The following OR1N1 variants were observed in gnomAD, a reference collection of about 807,000 sequenced individuals.
OR1N1 encodes olfactory receptor family 1 subfamily N member 1.
For missense variants in OR1N1, 388 were observed against 391.9 expected, an observed-to-expected ratio of 0.99 and a Z score of 0.08; for synonymous variants, 130 against 151.2, an observed-to-expected ratio of 0.86 and a Z score of 1.03.
In OR1N1 at chr9:122,526,723, G is replaced by A. The variant is rs1379918702; in HGVS notation, c.571C>T (p.His191Tyr). 5.6e-6 allele frequency: 9 copies of A among 1,613,920 alleles called. No homozygotes were observed. Among genetic ancestry groups the A allele is most frequent in the Middle Eastern group, 1.6e-4 (1 of 6,084 alleles). The change falls in exon 1 of 1, where the codon CAC (histidine) becomes TAC (tyrosine). Residue 191 changes from histidine (H) to tyrosine (Y), a missense_variant. Physicochemically the swap from His to Tyr is moderately conservative, Grantham distance 83. Transcript: ENST00000304880. The part of the protein sequence containing the change: ...PVLKLSCSDT[H>Y]INEMMVFVLG... ...ACAAAAACCATCATCTCGTTGATGT[G>A]GGTGTCAGAACATGACAGCTTCAGG... is the stretch of plus-strand genomic sequence containing the variant.
In OR1N1 at chr9:122,526,712, C is replaced by T. The variant is rs528321757; in HGVS notation, c.582G>A (p.Glu194=). 9.9e-6 allele frequency: 16 copies of T among 1,614,158 alleles called. No homozygotes were observed. The South Asian group carries it at 1.3e-4, about 13-fold the overall frequency. ...TGCCTCCCAAGACAAAAACCATCAT[C>T]TCGTTGATGTGGGTGTCAGAACATG... The part of the protein sequence containing the change: ...KLSCSDTHIN[E]MMVFVLGGTV... Residue 194 remains glutamate (E), a synonymous_variant, in exon 1 of 1, where the codon GAG becomes GAA. Transcript: ENST00000304880.
chr9:122,526,509 G>C lies in OR1N1; in HGVS notation c.785C>G (p.Ser262Cys), dbSNP rs762756152. The C allele has an allele frequency of 6.3e-6, 10 of 1,592,768 alleles. No homozygotes were observed. The Admixed American group carries it at 1.7e-4, about 27-fold the overall frequency. Residue 262 changes from serine to cysteine, a missense_variant, in exon 1 of 1, where the codon TCC becomes TGC. Coordinates refer to ENST00000304880, the MANE Select transcript of OR1N1 (RefSeq NM_012363.1). ...AATGTCCTTCTCTTCAGAGGCAATG[G>C]AGGGAGGACACAGGTAGGCACTGAA... ...TLFSAYLCPP[S>C]IASEEKDIAA... is the part of the protein sequence containing the mutation.
chr9:122,526,595 G>T lies in OR1N1; in HGVS notation c.699C>A (p.Gly233=). Residue 233 remains glycine (G), a synonymous_variant, in exon 1 of 1, where the codon GGC becomes GGA. Coordinates refer to ENST00000304880, the MANE Select transcript of OR1N1 (RefSeq NM_012363.1). The part of the protein sequence containing the change: ...ILRVRTRGGV[G]KAFSTCSSHL... ...GGGAACTGCAGGTGGAAAAGGCCTTGCCCACCCCACCACGGGTTCGGACCC... is the reference window on the plus strand; with the variant it reads ...GGGAACTGCAGGTGGAAAAGGCCTTTCCCACCCCACCACGGGTTCGGACCC... 2 of 1,614,116 alleles carry T rather than the reference G, an allele frequency of 1.2e-6. No individual in the cohort carries two copies. The highest frequency in any genetic ancestry group is 2.2e-5 in the East Asian group (1 of 44,876).
In OR1N1 at chr9:122,526,394, C is replaced by A. The variant is rs1828833370; in HGVS notation, c.900G>T (p.Lys300Asn). ...LRNKDMKGAL[K>N]RLFSHRSIVS... ...CAATACTCCTGTGACTGAAGAGCCT[C>A]TTTAGGGCCCCCTTCATGTCCTTGT... is the stretch of plus-strand genomic sequence containing the variant. Residue 300 changes from lysine to asparagine, a missense_variant, in exon 1 of 1, where the codon AAG (lysine) becomes AAT (asparagine). Lys to Asn is a moderately conservative substitution (Grantham distance 94). Transcript: ENST00000304880. The A allele has an allele frequency of 6.6e-7, 1 of 1,510,016 alleles. No homozygotes were observed. 93.5% of individuals were successfully genotyped at this position (1,510,016 alleles called of 1,614,324 possible).
chr9:122,527,067 A>G lies in OR1N1; in HGVS notation c.227T>C (p.Val76Ala). ...CTGTATATTCACCAGCATCTTGGTAACTGTGGAGGACGTTAAACCCATGTC... is the reference window on the plus strand; with the variant it reads ...CTGTATATTCACCAGCATCTTGGTAGCTGTGGAGGACGTTAAACCCATGTC... ...FVDMGLTSST[V>A]TKMLVNIQTR... Residue 76 changes from valine (V) to alanine (A), a missense_variant, in exon 1 of 1, where the codon GTT becomes GCT. Physicochemically the swap from Val to Ala is moderately conservative, Grantham distance 64 (BLOSUM62 0). Transcript: ENST00000304880. The G allele has an allele frequency of 6.2e-7, 1 of 1,614,246 alleles. No individual in the cohort carries two copies. The highest frequency in any genetic ancestry group is 2.2e-5 in the East Asian group (1 of 44,890).
In OR1N1 at chr9:122,526,658, A is replaced by G. The variant is rs371267649; in HGVS notation, c.636T>C (p.Ile212=). Residue 212 remains isoleucine, a synonymous_variant, in exon 1 of 1, where the codon ATT becomes ATC. Transcript: ENST00000304880. ...GCACAATGTGGATGTAGGAGGTGAC[A>G]ATGCATAAAAAGGGGACGATGAGTA... ...GTVLIVPFLC[I]VTSYIHIVPA... 6.2e-7 allele frequency: 1 copy of G among 1,614,144 alleles called. No individual in the cohort carries two copies. Among genetic ancestry groups the G allele is most frequent in the Non-Finnish European group, 8.5e-7 (1 of 1,180,002 alleles).
chr9:122,526,745 C>T lies in OR1N1; in HGVS notation c.549G>A (p.Leu183=). The T allele has an allele frequency of 6.2e-7, 1 of 1,614,094 alleles. No homozygotes were observed. The highest frequency in any genetic ancestry group is 8.5e-7 in the Non-Finnish European group (1 of 1,180,012). The change falls in exon 1 of 1, where the codon CTG becomes CTA. Residue 183 remains leucine, a synonymous_variant. Coordinates refer to ENST00000304880, the MANE Select transcript of OR1N1 (RefSeq NM_012363.1). ...TGTGGGTGTCAGAACATGACAGCTT[C>T]AGGACAGGAGTGATGTCACAGAAAA... The part of the protein sequence containing the change: ...AHFFCDITPV[L]KLSCSDTHIN...
In OR1N1 at chr9:122,527,134, G is replaced by A; in HGVS notation, c.160C>T (p.His54Tyr). Reference sequence around the variant, plus strand: ...GCCAAGAAAAAGTACATGGGGGTGTGGAGGTGCAGGTCAGAGCCAATGGCC... The same window carrying A: ...GCCAAGAAAAAGTACATGGGGGTGTAGAGGTGCAGGTCAGAGCCAATGGCC... ...ILAIGSDLHL[H>Y]TPMYFFLANL... The change falls in exon 1 of 1, where the codon CAC becomes TAC. Residue 54 changes from histidine to tyrosine, a missense_variant. His to Tyr is a moderately conservative substitution (Grantham distance 83). Transcript: ENST00000304880. 6.2e-7 allele frequency: 1 copy of A among 1,614,244 alleles called. No homozygotes were observed. Among genetic ancestry groups the A allele is most frequent in the Non-Finnish European group, 8.5e-7 (1 of 1,180,040 alleles).
At position 122,526,905 on chromosome 9, in the gene OR1N1, T is replaced by C. The variant is rs764415847; in HGVS notation, c.389A>G (p.Tyr130Cys). Residue 130 changes from tyrosine to cysteine, a missense_variant, in exon 1 of 1, where the codon TAC becomes TGC. Physicochemically the swap from Tyr to Cys is radical, Grantham distance 194. Coordinates refer to ENST00000304880, the MANE Select transcript of OR1N1 (RefSeq NM_012363.1). Reference protein sequence around the residue: ...RYVAICHPLCYSTVMRPQVCA... With the variant: ...RYVAICHPLCCSTVMRPQVCA... The stretch of plus-strand genomic sequence containing the variant: ...GACTTGGGGCCTCATGACTGTGGAG[T>C]AGCAGAGGGGGTGGCAAATGGCCAC... The C allele has an allele frequency of 6.2e-7, 1 of 1,613,868 alleles. No homozygotes were observed. The highest frequency in any genetic ancestry group is 1.7e-5 in the Admixed American group (1 of 59,996).
chr9:122,527,106 T>C lies in OR1N1; in HGVS notation c.188A>G (p.Asn63Ser). 1 of 1,614,084 alleles carries C rather than the reference T, an allele frequency of 6.2e-7. No individual in the cohort carries two copies. The highest frequency in any genetic ancestry group is 8.5e-7 in the Non-Finnish European group (1 of 1,180,014). The change falls in exon 1 of 1, where the codon AAC becomes AGC. Residue 63 changes from asparagine (N) to serine (S), a missense_variant. Coordinates refer to ENST00000304880, the MANE Select transcript of OR1N1 (RefSeq NM_012363.1). ...LHTPMYFFLANLSFVDMGLTS... is the reference protein window; with the variant it reads ...LHTPMYFFLASLSFVDMGLTS... ...TAAACCCATGTCAACAAAAGACAGGTTGGCCAAGAAAAAGTACATGGGGGT... is the reference window on the plus strand; with the variant it reads ...TAAACCCATGTCAACAAAAGACAGGCTGGCCAAGAAAAAGTACATGGGGGT...
chr9:122,526,599 A>T lies in OR1N1; in HGVS notation c.695T>A (p.Val232Glu), dbSNP rs748172174. ...ACTGCAGGTGGAAAAGGCCTTGCCCACCCCACCACGGGTTCGGACCCTCAG... is the reference window on the plus strand; with the variant it reads ...ACTGCAGGTGGAAAAGGCCTTGCCCTCCCCACCACGGGTTCGGACCCTCAG... ...AILRVRTRGG[V>E]GKAFSTCSSH... The change falls in exon 1 of 1, where the codon GTG becomes GAG. Residue 232 changes from valine (V) to glutamate (E), a missense_variant. Val to Glu is a moderately radical substitution (Grantham distance 121). Transcript: ENST00000304880. 15 of 1,613,978 alleles carry T rather than the reference A, an allele frequency of 9.3e-6. No individual in the cohort carries two copies. The highest frequency in any genetic ancestry group is 1.3e-5 in the Non-Finnish European group (15 of 1,180,016).
rs529426834 is a variant in OR1N1 at position 122,527,275 on chromosome 9, T to C, written c.19A>G (p.Ile7Val). Residue 7 changes from isoleucine (I) to valine (V), a missense_variant, in exon 1 of 1, where the codon ATT becomes GTT. Physicochemically the swap from Ile to Val is conservative, Grantham distance 29. Coordinates refer to ENST00000304880, the MANE Select transcript of OR1N1 (RefSeq NM_012363.1). Reference sequence around the variant, plus strand: ...ATTCCTCGGAGGAAAAATTCAGAAATGCTGGATTGGTTTTCCATGACTCTG... The same window carrying C: ...ATTCCTCGGAGGAAAAATTCAGAAACGCTGGATTGGTTTTCCATGACTCTG... MENQSS[I>V]SEFFLRGISA... 1.7e-5 allele frequency: 28 copies of C among 1,608,990 alleles called. No individual in the cohort carries two copies. The highest frequency in any genetic ancestry group is 2.1e-5 in the Non-Finnish European group (25 of 1,176,736).
chr9:122,527,026 T>C lies in OR1N1; in HGVS notation c.268A>G (p.Ile90Val). Residue 90 changes from isoleucine to valine, a missense_variant, in exon 1 of 1, where the codon ATC becomes GTC. Coordinates refer to ENST00000304880, the MANE Select transcript of OR1N1 (RefSeq NM_012363.1). ...TGCGTGAGGCAACCCGTATAGGAGA[T>C]GGTGTGATGCCGAGTCTGTATATTC... ...LVNIQTRHHTISYTGCLTQMY... is the reference protein window; with the variant it reads ...LVNIQTRHHTVSYTGCLTQMY... 2.5e-6 allele frequency: 4 copies of C among 1,614,146 alleles called. No homozygotes were observed. Among genetic ancestry groups the C allele is most frequent in the Non-Finnish European group, 3.4e-6 (4 of 1,180,006 alleles).
Position 122,526,785 on chromosome 9 carries a change from C to T in OR1N1, c.509G>A (p.Gly170Glu). 1 of 1,614,042 alleles carries T rather than the reference C, an allele frequency of 6.2e-7. No homozygotes were observed. The highest frequency in any genetic ancestry group is 1.3e-5 in the African/African-American group (1 of 75,006). Residue 170 changes from glycine (G) to glutamate (E), a missense_variant, in exon 1 of 1, where the codon GGG (glycine) becomes GAG (glutamate). Coordinates refer to ENST00000304880, the MANE Select transcript of OR1N1 (RefSeq NM_012363.1). ...GTCACAGAAAAAGTGAGCAATTTCC[C>T]CAGTCACACAGAAGGACAACCGAGC... ...LMARLSFCVT[G>E]EIAHFFCDIT...
rs754289124 is a variant in OR1N1, at chr9:122,526,655, G to A, written c.639C>T (p.Val213=). ...CTGGCACAATGTGGATGTAGGAGGT[G>A]ACAATGCATAAAAAGGGGACGATGA... ...TVLIVPFLCI[V]TSYIHIVPAI... is the part of the protein sequence containing the mutation. The change falls in exon 1 of 1, where the codon GTC becomes GTT. Residue 213 remains valine, a synonymous_variant. Transcript: ENST00000304880. 1.2e-6 allele frequency: 2 copies of A among 1,614,146 alleles called. No individual in the cohort carries two copies. Among genetic ancestry groups the A allele is most frequent in the Non-Finnish European group, 1.7e-6 (2 of 1,180,020 alleles).
chr9:122,526,561 C>T lies in OR1N1; in HGVS notation c.733G>A (p.Val245Ile), dbSNP rs151154516. ...AGGGTCCCATAGAACACACAAACAACGCAGAGGTGGGAACTGCAGGTGGAA... is the reference window on the plus strand; with the variant it reads ...AGGGTCCCATAGAACACACAAACAATGCAGAGGTGGGAACTGCAGGTGGAA... The part of the protein sequence containing the change: ...AFSTCSSHLC[V>I]VCVFYGTLFS... The change falls in exon 1 of 1, where the codon GTT (valine) becomes ATT (isoleucine). Residue 245 changes from valine (V) to isoleucine (I), a missense_variant. Val to Ile is a conservative substitution (Grantham distance 29). Coordinates refer to ENST00000304880, the MANE Select transcript of OR1N1 (RefSeq NM_012363.1). The T allele has an allele frequency of 9.4e-4, 1,509 of 1,613,080 alleles. 2 individuals are homozygous for T. Among genetic ancestry groups the T allele is most frequent in the Middle Eastern group, 2.3e-3 (14 of 6,054 alleles).
chr9:122,526,477 C>T lies in OR1N1; in HGVS notation c.817G>A (p.Ala273Thr). 6.4e-7 allele frequency: 1 copy of T among 1,568,840 alleles called. No individual in the cohort carries two copies. The highest frequency in any genetic ancestry group is 2.2e-5 in the East Asian group (1 of 44,596). ...GGAGTCACTATGGTGTACATTGCAG[C>T]TGCTGCAATGTCCTTCTCTTCAGAG... Reference protein sequence around the residue: ...IASEEKDIAAAAMYTIVTPML... With the variant: ...IASEEKDIAATAMYTIVTPML... Residue 273 changes from alanine (A) to threonine (T), a missense_variant, in exon 1 of 1, where the codon GCT (alanine) becomes ACT (threonine). Coordinates refer to ENST00000304880, the MANE Select transcript of OR1N1 (RefSeq NM_012363.1).
chr9:122,527,215 C>T lies in OR1N1; in HGVS notation c.79G>A (p.Gly27Arg), dbSNP rs764900306. The change falls in exon 1 of 1, where the codon GGA becomes AGA. Residue 27 changes from glycine to arginine, a missense_variant. Physicochemically the swap from Gly to Arg is moderately radical, Grantham distance 125. Coordinates refer to ENST00000304880, the MANE Select transcript of OR1N1 (RefSeq NM_012363.1). The stretch of plus-strand genomic sequence containing the variant: ...ACAAGATACATACACAGGAAAATTC[C>T]GAAGAGGGACTGCTGTTGCTCTGGA... ...APPEQQQSLF[G>R]IFLCMYLVTL... 1.2e-6 allele frequency: 2 copies of T among 1,613,860 alleles called. No homozygotes were observed. Among genetic ancestry groups the T allele is most frequent in the African/African-American group, 1.3e-5 (1 of 74,890 alleles).
At position 122,526,890 on chromosome 9, in the gene OR1N1, C is replaced by T; in HGVS notation, c.404G>A (p.Arg135Lys). Reference protein sequence around the residue: ...CHPLCYSTVMRPQVCALMLAL... With the variant: ...CHPLCYSTVMKPQVCALMLAL... The stretch of plus-strand genomic sequence containing the variant: ...AAGCATTAGGGCACAGACTTGGGGC[C>T]TCATGACTGTGGAGTAGCAGAGGGG... The change falls in exon 1 of 1, where the codon AGG becomes AAG. Residue 135 changes from arginine (R) to lysine (K), a missense_variant. Arg to Lys is a conservative substitution (Grantham distance 26, BLOSUM62 2). Transcript: ENST00000304880. 6.2e-7 allele frequency: 1 copy of T among 1,614,160 alleles called. No individual in the cohort carries two copies. Among genetic ancestry groups the T allele is most frequent in the Non-Finnish European group, 8.5e-7 (1 of 1,180,034 alleles).
Sources: gnomAD v4.1 joint callset for allele counts on GRCh38, gnomAD v4.1.1 for gene constraint, MANE v1.5 for transcripts, NCBI Gene and HGNC (gene_info 2026-07-23, HGNC 2026-07-21) for gene names.